Variants in NYAP2 observed in about 807,000 individuals in gnomAD.
NYAP2 encodes the protein neuronal tyrosine-phosphorylated phosphoinositide-3-kinase adaptor 2, also known as neuronal tyrosine-phosphorylated phosphoinositide-3-kinase adapter 2.
A neutral mutation model predicts 50.4 loss-of-function variants in NYAP2; 23 were observed. That is an observed-to-expected ratio of 0.46 (90% confidence interval 0.33 to 0.65). The LOEUF is 0.65. Among genes scored for constraint, NYAP2 ranks in the 30% least tolerant of loss-of-function variants. The pLI is 0.02. For missense variants in NYAP2, 885 were observed against 861.0 expected (o/e 1.03, Z -0.35); for synonymous variants, 394 against 365.2 (o/e 1.08, Z -0.90).
chr2:225,570,617 G>A (rs926470316), intron 4 of NYAP2, among the ~76,000 whole-genome samples: 3 of 152,100 alleles, frequency 2.0e-5, no homozygotes, highest in African/African-American at 7.2e-5. Flanking sequence ...ACAGCATGGG[G>A]GAAACTGCCC....
intron 5 of NYAP2, among the ~76,000 whole-genome samples, chr2:225,599,953 A>C (rs1490479691): frequency 2.0e-5 from 3 of 152,316 alleles, no homozygotes; most frequent in South Asian, 2.1e-4. Context: ...GTGCAAATGT[A>C]ACCACACAAC....
intron 5 of NYAP2, among the ~76,000 whole-genome samples, chr2:225,593,005 T>A (rs2106236733): frequency 6.6e-6 from 1 of 152,334 alleles, no homozygotes; most frequent in Middle Eastern, 3.4e-3. Flanking sequence ...ACATGAAAAA[T>A]ACTAGAACTG....
At chr2:225,585,532 A>G (rs1027717267) in intron 5 of NYAP2, among the ~76,000 whole-genome samples, 6 of 152,236 alleles carry the variant, frequency 3.9e-5, no homozygotes, top group Admixed American at 2.6e-4. Context: ...AAGAGTGGTC[A>G]AGGCTCTTTA....
intron 6 of NYAP2, among the ~76,000 whole-genome samples, chr2:225,627,840 G>A (rs1693236036): frequency 6.6e-6 from 1 of 152,176 alleles, no homozygotes; most frequent in African/African-American, 2.4e-5. Flanking sequence ...ACAGAGAGCT[G>A]TCAATTGAAA....
At chr2:225,419,644 C>T (rs1367634066) in intron 3 of NYAP2, among the ~76,000 whole-genome samples, 1 of 152,172 alleles carries the variant, frequency 6.6e-6, no homozygotes, top group Non-Finnish European at 1.5e-5. Flanking sequence ...CAACACATGG[C>T]ACAACTAGCG....
chr2:225,492,150 G>A lies in NYAP2; in HGVS notation c.222-21221G>A, dbSNP rs1320426270. On this transcript the variant is annotated intron_variant, in intron 3 of 6. Coordinates refer to ENST00000636099, the Ensembl canonical transcript of NYAP2. ...ATGTGGCCGGTGTGTGTGATTGGAA[G>A]AGCAAATGCCCATGTGTCCTGGTGA... Among the ~76,000 whole-genome samples the A allele has an allele frequency of 2.6e-5, 4 of 152,190 alleles. No individual in the cohort carries two copies. In the East Asian group the frequency reaches 7.7e-4, roughly 29 times the overall value.
downstream of NYAP2, among the ~76,000 whole-genome samples, chr2:225,655,701 T>C (rs1693809440): frequency 6.6e-6 from 1 of 152,138 alleles, no homozygotes; most frequent in Non-Finnish European, 1.5e-5. Context: ...ATCTATACTC[T>C]TGCTGCACAG....
intron 5 of NYAP2, among the ~76,000 whole-genome samples, chr2:225,620,385 ACGCACGCACGCACACACG>A: frequency 6.6e-6 from 1 of 151,918 alleles, no homozygotes; most frequent in Admixed American, 6.5e-5. Flanking sequence ...AGGCACCCAC[ACGCACGCACGCACACACG>A]CGCACGCACA....
intron 4 of NYAP2, among the ~76,000 whole-genome samples, chr2:225,518,558 ATATATATATATTAGCGTGTGCGCT>A (rs1690981209): frequency 1.3e-5 from 1 of 75,370 alleles, no homozygotes; most frequent in African/African-American, 6.3e-5. Context: ...ATATATATAT[ATATATATATATTAGCGTGTGCGCT>A]TATATATATA....
At chr2:225,430,003 T>A (rs1695342619) in intron 3 of NYAP2, among the ~76,000 whole-genome samples, 1 of 152,204 alleles carries the variant, frequency 6.6e-6, no homozygotes, top group African/African-American at 2.4e-5. Context: ...GGAAAATGTG[T>A]CAGCGTAAAC....
intron 3 of NYAP2, among the ~76,000 whole-genome samples, chr2:225,491,147 A>T (rs1243536965): frequency 2.0e-5 from 3 of 152,338 alleles, no homozygotes; most frequent in South Asian, 2.1e-4. Context: ...AAAGAAAAAA[A>T]GTTTAAATTA....
In NYAP2 at chr2:225,645,449, T is replaced by G. The variant is rs79593895; in HGVS notation, c.1829-5983T>G. Reference sequence around the variant, plus strand: ...CCTCCTTTCCTTTCTTTTTTCTTCTTTCTTCCTTTTCCTTCCTCTCTGTTT... The same window carrying G: ...CCTCCTTTCCTTTCTTTTTTCTTCTGTCTTCCTTTTCCTTCCTCTCTGTTT... On this transcript the variant is annotated intron_variant, in intron 6 of 6. Transcript: ENST00000636099. Among the ~76,000 whole-genome samples the G allele has an allele frequency of 5.6e-3, 857 of 152,186 alleles. 12 individuals are homozygous for G. The highest frequency in any genetic ancestry group is 0.02 in the African/African-American group (826 of 41,506).
rs771452171 is a variant in NYAP2, at chr2:225,520,214, T to C, written c.523+6542T>C. Among the ~76,000 whole-genome samples the C allele has an allele frequency of 1.7e-3, 262 of 152,224 alleles. 1 individual carries two copies. Among genetic ancestry groups the C allele is most frequent in the Non-Finnish European group, 3.2e-3 (218 of 67,978 alleles). ...TAGGTTGCAAAAATTTTCTCCCATT[T>C]TGTAGGTTGCCTGTTCACTCTGATG... On this transcript the variant is annotated intron_variant, in intron 4 of 6. Transcript: ENST00000636099.
At chr2:225,649,414 C>T (rs1257627627) in intron 6 of NYAP2, among the ~76,000 whole-genome samples, 1 of 152,166 alleles carries the variant, frequency 6.6e-6, no homozygotes, top group Non-Finnish European at 1.5e-5. Flanking sequence ...ATTACTGCAG[C>T]TTCTTCAGGG....
the NYAP2 span, among the ~76,000 whole-genome samples, chr2:225,663,600 C>T: frequency 1.3e-5 from 2 of 152,114 alleles, no homozygotes; most frequent in African/African-American, 2.4e-5. Context: ...CTGTGTCACC[C>T]AGGCTGGAGT....
intron 3 of NYAP2, among the ~76,000 whole-genome samples, chr2:225,417,549 G>A (rs922321541): frequency 1.3e-5 from 2 of 151,832 alleles, no homozygotes; most frequent in African/African-American, 4.8e-5. Flanking sequence ...ATAGAGAAAA[G>A]CAATTTCAAT....
chr2:225,613,438 CT>C (rs980171175), intron 5 of NYAP2, among the ~76,000 whole-genome samples: 81 of 152,318 alleles, frequency 5.3e-4, no homozygotes, highest in African/African-American at 1.9e-3. Context: ...TCCCAGTCCA[CT>C]GACTCAAATG....
chr2:225,600,479 G>A (rs1692674545), intron 5 of NYAP2, among the ~76,000 whole-genome samples: 1 of 152,150 alleles, frequency 6.6e-6, no homozygotes, highest in African/African-American at 2.4e-5. Flanking sequence ...GTTTGTTTTG[G>A]AAAAGGGCTG....
intron 4 of NYAP2, among the ~76,000 whole-genome samples, chr2:225,530,421 C>A (rs980628509): frequency 5.3e-5 from 8 of 152,230 alleles, no homozygotes; most frequent in African/African-American, 1.9e-4. Flanking sequence ...CGGTTCTCTT[C>A]TCAATGTTGT....
Sources: allele counts gnomAD v4.1 joint callset (sites outside exome capture counted in the v4.1 genomes callset), GRCh38; gene constraint gnomAD v4.1.1; transcripts MANE v1.5; gene names NCBI Gene and HGNC (gene_info 2026-07-23, HGNC 2026-07-21).